HAGHL: variants seen among roughly 807,000 people sequenced by gnomAD.
HAGHL encodes hydroxyacylglutathione hydrolase like, also known as hydroxyacylglutathione hydrolase-like protein.
Under a neutral mutation model 29.2 loss-of-function variants are expected in HAGHL, and 27 were observed. That is an observed-to-expected ratio of 0.92 (90% CI 0.68 to 1.27). HAGHL has a LOEUF of 1.27. HAGHL is among the 50% of genes most tolerant of loss of function. The pLI is 0.00. For synonymous variants in HAGHL, 223 were observed against 185.7 expected, an observed-to-expected ratio of 1.20 and a Z score of -1.63; for missense variants, 529 against 405.5, an observed-to-expected ratio of 1.30 and a Z score of -2.62.
At chr16:728,956 G>A in intron 6 of HAGHL, 53 bp from the exon 7 acceptor site, 2 of 954,686 alleles carry the variant, frequency 2.1e-6, no homozygotes, top group Admixed American at 2.2e-5. Flanking sequence ...CTTCGGGGTG[G>A]GGGGGGCTCT....
intron 7 of HAGHL, 69 bp from the exon 8 acceptor site, chr16:729,219 G>T: frequency 6.5e-7 from 1 of 1,548,656 alleles, no homozygotes; most frequent in South Asian, 1.2e-5. Flanking sequence ...CTGCCTGCCC[G>T]CCCACCCCTC....
Position 729,032 on chromosome 16 carries a change from C to T in HAGHL, c.624C>T (p.Pro208=), listed in dbSNP as rs139384912. The T allele has an allele frequency of 2.6e-4, 422 of 1,610,230 alleles. No homozygotes were observed. The African/African-American group carries it at 5.2e-3, about 20-fold the overall frequency. The stretch of plus-strand genomic sequence containing the variant: ...AGAAGAGGGATGAGGATGACGTGCC[C>T]ACTGTGCCGTCGACTCTGGGCGAGG... ...WAKKRDEDDV[P]TVPSTLGEER... The change falls in exon 7 of 8, where the codon CCC becomes CCT. Residue 208 remains proline (P), a synonymous_variant. Transcript: ENST00000389703.
Position 729,068 on chromosome 16 carries a change from C to A in HAGHL, c.660C>A (p.Tyr220Ter). The A allele has an allele frequency of 6.2e-7, 1 of 1,609,828 alleles. No individual in the cohort carries two copies. Residue 220 changes from tyrosine to a stop codon, truncating the protein, a stop_gained, in exon 7 of 8, where the codon TAC becomes TAA. Coordinates refer to ENST00000389703, the MANE Select transcript of HAGHL (RefSeq NM_032304.4). LOFTEE classifies it low-confidence loss of function (END_TRUNC). ...VPSTLGEERL[Y>*]NPFLRVAEEP... ...CGACTCTGGGCGAGGAGCGCCTCTA[C>A]AACCCCTTCCTGCGGGTGGCGTGAG...
rs867874766 is a variant in HAGHL, at chr16:728,755, C to T, written c.499-39C>T. 2.5e-5 allele frequency: 40 copies of T among 1,593,634 alleles called. No homozygotes were observed. In the Middle Eastern group the frequency reaches 1.3e-3, roughly 53 times the overall value. On this transcript the variant is annotated intron_variant, in intron 5 of 7. Coordinates refer to ENST00000389703, the MANE Select transcript of HAGHL (RefSeq NM_032304.4). ...CCCGGCGCAAGCACTTTCCCCGCTT[C>T]CTGGCCGCGTGCGCGCTCACCGAGC...
At chr16:729,166 TGA>T (rs1567340179) in intron 7 of HAGHL, 78 bp downstream of exon 7, 1 of 1,581,168 alleles carries the variant, frequency 6.3e-7, no homozygotes. Context: ...CGTGTTGGGC[TGA>T]GTGAGCATCT....
At position 727,954 on chromosome 16, in the gene HAGHL, G is replaced by A. The variant is rs770389549; in HGVS notation, c.106-11G>A. ...GACCGTCTGTGTTACCGTCACTCCC[G>A]TCCCTTTCAGCTGCTGGAGATCGTG... On this transcript the variant is annotated splice_polypyrimidine_tract_variant and intron_variant, in intron 1 of 7. Transcript: ENST00000389703. The A allele has an allele frequency of 3.7e-6, 6 of 1,606,146 alleles. No homozygotes were observed. The East Asian group carries it at 9.0e-5, about 24-fold the overall frequency.
Position 728,954 on chromosome 16 carries a change from TG to T in HAGHL, c.601-47del, listed in dbSNP as rs368040005. The stretch of plus-strand genomic sequence containing the variant: ...GGGGGGGAGGGAACAGGCTTCGGGG[TG>T]GGGGGGGCTCTCAGACAAGGCCTAA... On this transcript the variant is annotated intron_variant, in intron 6 of 7. Coordinates refer to ENST00000389703, the MANE Select transcript of HAGHL (RefSeq NM_032304.4). 4.3e-4 allele frequency: 158 copies of T among 364,310 alleles called. 2 individuals carry two copies. Among genetic ancestry groups the T allele is most frequent in the Admixed American group, 3.5e-3 (60 of 17,294 alleles). The allele number at this position is 364,310 out of a possible 1,614,324, so 22.6% of individuals were successfully genotyped here.
chr16:729,604 C>T lies in HAGHL; in HGVS notation c.*148C>T. ...CGGAGGGTGGGCAACCTGGTGCTTC[C>T]CGGGTGGACACACAGGACCACTCAG... On this transcript the variant is annotated 3_prime_UTR_variant, in exon 8 of 8. Coordinates refer to ENST00000389703, the MANE Select transcript of HAGHL (RefSeq NM_032304.4). 1 of 1,530,020 alleles carries T rather than the reference C, an allele frequency of 6.5e-7. No homozygotes were observed. The highest frequency in any genetic ancestry group is 1.4e-5 in the African/African-American group (1 of 72,890). The allele number at this position is 1,530,020 out of a possible 1,614,324, so 94.8% of individuals were successfully genotyped here.
Position 729,635 on chromosome 16 carries a change from C to A in HAGHL, c.*179C>A. ...GGACACACAGGACCACTCAGTGGGG[C>A]CTGTGTGGGCGCCGAGACCTGGGTG... is the stretch of plus-strand genomic sequence containing the variant. On this transcript the variant is annotated 3_prime_UTR_variant, in exon 8 of 8. Transcript: ENST00000389703. The A allele has an allele frequency of 6.6e-7, 1 of 1,520,284 alleles. No homozygotes were observed. Among genetic ancestry groups the A allele is most frequent in the Non-Finnish European group, 8.8e-7 (1 of 1,138,460 alleles). The allele number at this position is 1,520,284 out of a possible 1,614,324, so 94.2% of individuals were successfully genotyped here. A position where few individuals can be genotyped will look rare whatever the true frequency, so the allele number is the denominator to read the frequency against.
chr16:729,183 C>A, intron 7 of HAGHL, 95 bp downstream of exon 7: 1 of 1,571,350 alleles, frequency 6.4e-7, no homozygotes. Flanking sequence ...GCATCTCTGG[C>A]TTGGGGGAGG....
chr16:728,629 C>A, intron 5 of HAGHL, 25 bp downstream of exon 5: 1 of 1,388,780 alleles, frequency 7.2e-7, no homozygotes, highest in Non-Finnish European at 9.7e-7. Flanking sequence ...GCCCTCCCCT[C>A]TTCTCCCGTG....
At position 729,343 on chromosome 16, in the gene HAGHL, G is replaced by A; in HGVS notation, c.736G>A (p.Ala246Thr). ...GGCGGTCCCCGCCGACGTCCTGGAG[G>A]CGCTATGCAAGGAGCGGGCGCGCTT... ...GKAVPADVLEALCKERARFEQ... is the reference protein window; with the variant it reads ...GKAVPADVLETLCKERARFEQ... Residue 246 changes from alanine (A) to threonine (T), a missense_variant, in exon 8 of 8, where the codon GCG becomes ACG. Ala to Thr is a moderately conservative substitution (Grantham distance 58). Coordinates refer to ENST00000389703, the MANE Select transcript of HAGHL (RefSeq NM_032304.4). 2.0e-6 allele frequency: 3 copies of A among 1,534,660 alleles called. No individual in the cohort carries two copies. Among genetic ancestry groups the A allele is most frequent in the Non-Finnish European group, 2.6e-6 (3 of 1,141,402 alleles).
In HAGHL at chr16:729,513, C is replaced by G. The variant is rs886441109; in HGVS notation, c.*57C>G. 1.2e-5 allele frequency: 19 copies of G among 1,535,740 alleles called. No homozygotes were observed. Among genetic ancestry groups the G allele is most frequent in the Non-Finnish European group, 1.7e-5 (19 of 1,146,230 alleles). On this transcript the variant is annotated 3_prime_UTR_variant, in exon 8 of 8. Transcript: ENST00000389703. ...CGTCCCTCCTCGTGACCTCGGCCAG[C>G]TGGACCCACATGAGGGCCACCTCTG...
intron 1 of HAGHL, 135 bp downstream of exon 1, chr16:727,749 G>A: frequency 2.7e-6 from 2 of 727,822 alleles, no homozygotes; most frequent in South Asian, 1.8e-5. Context: ...GTTTATCTTG[G>A]GGCTCCCTGA....
chr16:728,897 C>G lies in HAGHL; in HGVS notation c.600+2C>G, dbSNP rs1010715562. On this transcript the variant is annotated splice_donor_variant, in intron 6 of 7. Transcript: ENST00000389703. LOFTEE classifies it high-confidence loss of function. ...AGAGCCAAGCTGTCCTGGGCTAAGG[C>G]ACGGCCCCTTTCCCGCCGCGGCAAG... The G allele has an allele frequency of 6.3e-7, 1 of 1,583,408 alleles. No individual in the cohort carries two copies. Among genetic ancestry groups the G allele is most frequent in the South Asian group, 1.1e-5 (1 of 88,872 alleles).
In HAGHL at chr16:728,531, G is replaced by A. The variant is rs1201028595; in HGVS notation, c.425G>A (p.Gly142Asp). Reference protein sequence around the residue: ...SGDALSVAGCGSCLEGSAQQM... With the variant: ...SGDALSVAGCDSCLEGSAQQM... The stretch of plus-strand genomic sequence containing the variant: ...GACGCGCTGTCGGTGGCCGGCTGCG[G>A]CTCGTGCCTGGAGGGCAGCGCCCAG... Residue 142 changes from glycine to aspartate, a missense_variant, in exon 5 of 8, where the codon GGC becomes GAC. Coordinates refer to ENST00000389703, the MANE Select transcript of HAGHL (RefSeq NM_032304.4). 2.6e-5 allele frequency: 39 copies of A among 1,528,916 alleles called. No homozygotes were observed. The highest frequency in any genetic ancestry group is 3.4e-5 in the Non-Finnish European group (39 of 1,144,068). 94.7% of individuals were successfully genotyped at this position (1,528,916 alleles called of 1,614,324 possible).
intron 7 of HAGHL, 65 bp downstream of exon 7, chr16:729,153 C>T (rs780520727): frequency 1.3e-6 from 2 of 1,592,158 alleles, no homozygotes; most frequent in East Asian, 4.5e-5. Context: ...CATCTGGGGA[C>T]TGCGTGTTGG....
chr16:728,931 G>T (rs769639612), intron 6 of HAGHL, 36 bp downstream of exon 6: 6 of 1,136,612 alleles, frequency 5.3e-6, no homozygotes, highest in Admixed American at 4.4e-5. Context: ...AGAGGGTGGG[G>T]GGGGAGGGAA....
Position 729,699 on chromosome 16 carries a change from T to C in HAGHL, c.*243T>C, listed in dbSNP as rs769274126. ...GCACACGGGGCCTCCGAACTATGAA[T>C]AAAGCTTTGAAAGGCCGTTGTCAGT... is the stretch of plus-strand genomic sequence containing the variant. On this transcript the variant is annotated 3_prime_UTR_variant, in exon 8 of 8. Transcript: ENST00000389703. 4.1e-6 allele frequency: 6 copies of C among 1,476,528 alleles called. No homozygotes were observed. In the South Asian group the frequency reaches 7.8e-5, roughly 19 times the overall value. 91.5% of individuals were successfully genotyped at this position (1,476,528 alleles called of 1,614,324 possible).
Sources: allele counts gnomAD v4.1 joint callset, GRCh38; gene constraint gnomAD v4.1.1; transcripts MANE v1.5; gene names NCBI Gene and HGNC (gene_info 2026-07-23, HGNC 2026-07-21).